The following MMP26 variants were observed in gnomAD, a reference collection of about 807,000 sequenced individuals.
The protein encoded by MMP26 is matrix metallopeptidase 26, also known as matrix metalloproteinase-26.
In MMP26, 33 loss-of-function variants were observed where a neutral mutation model predicts 31.0. The ratio of observed to expected loss-of-function variants is 1.06; its 90% CI spans 0.81 to 1.42. The LOEUF (loss-of-function observed/expected upper bound fraction) is 1.42. Ranked by LOEUF, MMP26 falls within the 40% of genes most tolerant of loss-of-function variation. The pLI is 0.00. For missense variants in MMP26, 347 were observed against 316.1 expected (o/e 1.10, Z -0.74); for synonymous variants, 122 against 114.9 (o/e 1.06, Z -0.40).
intron 1 of MMP26, among the ~76,000 whole-genome samples, chr11:4,732,558 AAAAG>A: frequency 6.6e-6 from 1 of 151,272 alleles, no homozygotes; most frequent in East Asian, 1.9e-4. Flanking sequence ...AAAAAAAAAA[AAAAG>A]AAAATTTTCA....
At chr11:4,769,408 G>C (rs1255912528) in intron 2 of MMP26, 2 of 1,613,822 alleles carry the variant, frequency 1.2e-6, no homozygotes, top group Non-Finnish European at 1.7e-6. Context: ...TCATTCTACA[G>C]AAATAGAGAG....
In MMP26 at chr11:4,991,257, C is replaced by T. The variant is rs1846997521; in HGVS notation, c.470-114C>T. The stretch of plus-strand genomic sequence containing the variant: ...GATAATGCCTTAGCTCTCTCACATC[C>T]CCCAGTGGTAGACTGTTGCACAGTA... On this transcript the variant is annotated intron_variant, in intron 5 of 7. Coordinates refer to ENST00000380390, the MANE Select transcript of MMP26 (RefSeq NM_021801.5). The T allele has an allele frequency of 3.9e-6, 5 of 1,296,496 alleles. No individual in the cohort carries two copies. The Middle Eastern group carries it at 5.8e-4, about 151-fold the overall frequency. The allele number at this position is 1,296,496 out of a possible 1,614,324, so 80.3% of individuals were successfully genotyped here.
intron 2 of MMP26, among the ~76,000 whole-genome samples, chr11:4,935,808 G>A (rs1352199336): frequency 6.6e-6 from 1 of 151,498 alleles, no homozygotes; most frequent in Non-Finnish European, 1.5e-5. Flanking sequence ...TTTTGTCAAA[G>A]GCTTTTTCTG....
intron 2 of MMP26, among the ~76,000 whole-genome samples, chr11:4,870,520 A>G (rs1190228306): frequency 6.6e-6 from 1 of 152,114 alleles, no homozygotes; most frequent in African/African-American, 2.4e-5. Flanking sequence ...TAATTCTTAG[A>G]ATAATTACTA....
intron 2 of MMP26, among the ~76,000 whole-genome samples, chr11:4,783,142 A>G (rs1353755221): frequency 2.0e-5 from 3 of 152,232 alleles, no homozygotes; most frequent in Non-Finnish European, 2.9e-5. Flanking sequence ...TAGATCCACC[A>G]GTAGCTTGCA....
intron 2 of MMP26, chr11:4,908,447 A>G: frequency 1.3e-6 from 1 of 750,140 alleles, no homozygotes; most frequent in South Asian, 1.5e-5. Context: ...TTTATAATAA[A>G]GTTGAGAATA....
chr11:4,755,068 T>C (rs1276656409), intron 1 of MMP26, among the ~76,000 whole-genome samples: 1 of 151,968 alleles, frequency 6.6e-6, no homozygotes, highest in Non-Finnish European at 1.5e-5. Context: ...CTTTCATCGG[T>C]TGATCACTAA....
At chr11:4,991,304 T>G in intron 5 of MMP26, 67 bp from the exon 6 acceptor site, 3 of 1,551,370 alleles carry the variant, frequency 1.9e-6, no homozygotes, top group Non-Finnish European at 2.6e-6. Context: ...TGAGGCTTAC[T>G]TAAGACTATT....
intron 2 of MMP26, chr11:4,908,552 A>G: frequency 3.8e-6 from 2 of 523,024 alleles, no homozygotes; most frequent in South Asian, 4.3e-5. Flanking sequence ...TACTTCTGTG[A>G]TGGAGCAGCT....
At position 4,723,089 on chromosome 11, in the gene MMP26, T is replaced by C. The variant is rs1848038510; in HGVS notation, c.-217+18044T>C. ...GTACCCATGCAGCTGTCACGGCATG[T>C]TCTGCTTGGCCCGCTGCAGGGCGGC... On this transcript the variant is annotated intron_variant, in intron 1 of 7. Transcript: ENST00000380390. 4.2e-6 allele frequency: 6 copies of C among 1,426,128 alleles called. No individual in the cohort carries two copies. In the South Asian group the frequency reaches 5.7e-5, roughly 14 times the overall value. The allele number at this position is 1,426,128 out of a possible 1,614,324, so 88.3% of individuals were successfully genotyped here. A position where few individuals can be genotyped will look rare whatever the true frequency, so the allele number is the denominator to read the frequency against.
At chr11:4,779,539 CA>C (rs147089699) in intron 2 of MMP26, among the ~76,000 whole-genome samples, 13,864 of 151,972 alleles carry the variant, frequency 0.091, 689 homozygotes, top group Middle Eastern at 0.14. Context: ...AGTGTTTGTA[CA>C]ATTAGTATTT....
chr11:4,798,905 C>T (rs1020185402), intron 2 of MMP26, among the ~76,000 whole-genome samples: 2 of 152,172 alleles, frequency 1.3e-5, no homozygotes, highest in African/African-American at 4.8e-5. Context: ...GGAAAGTACT[C>T]TAAAACGGAG....
chr11:4,788,284 A>G (rs1848975866), intron 2 of MMP26, among the ~76,000 whole-genome samples: 2 of 151,950 alleles, frequency 1.3e-5, no homozygotes, highest in African/African-American at 4.8e-5. Context: ...GTTACAAGCC[A>G]TGAGCTCCCT....
At chr11:4,727,061 G>A (rs1448382742) in intron 1 of MMP26, among the ~76,000 whole-genome samples, 1 of 151,976 alleles carries the variant, frequency 6.6e-6, no homozygotes, top group Non-Finnish European at 1.5e-5. Context: ...AAACAAGTAA[G>A]ACTTTCTATT....
At chr11:4,749,522 A>C (rs1848421305) in intron 1 of MMP26, among the ~76,000 whole-genome samples, 1 of 152,160 alleles carries the variant, frequency 6.6e-6, no homozygotes, top group Admixed American at 6.6e-5. Context: ...ACTTGACTTC[A>C]AATTGTACTA....
chr11:4,822,007 A>T lies in MMP26; in HGVS notation c.-145+54666A>T. The T allele has an allele frequency of 6.2e-7, 1 of 1,614,042 alleles. No individual in the cohort carries two copies. The highest frequency in any genetic ancestry group is 1.1e-5 in the South Asian group (1 of 91,078). On this transcript the variant is annotated intron_variant, in intron 2 of 7. Transcript: ENST00000380390. Reference sequence around the variant, plus strand: ...CCAACTCTCCTGCACAGACAATAGGATCAACAGCATCCTTGGTCTGTTTGC... The same window carrying T: ...CCAACTCTCCTGCACAGACAATAGGTTCAACAGCATCCTTGGTCTGTTTGC...
chr11:4,884,376 A>G (rs918060354), intron 2 of MMP26, among the ~76,000 whole-genome samples: 2 of 152,128 alleles, frequency 1.3e-5, no homozygotes, highest in African/African-American at 4.8e-5. Flanking sequence ...ACAGTTCAGT[A>G]TTTTACCTTT....
chr11:4,755,228 A>T (rs1202739776), intron 1 of MMP26, among the ~76,000 whole-genome samples: 1 of 10,254 alleles, frequency 9.8e-5, no homozygotes, highest in East Asian at 2.2e-3. Context: ...TTCATCACAA[A>T]TAAAGAAAAA....
intron 2 of MMP26, among the ~76,000 whole-genome samples, chr11:4,904,421 T>C (rs973537133): frequency 2.0e-5 from 3 of 152,154 alleles, no homozygotes; most frequent in Admixed American, 6.5e-5. Context: ...TTCTCTTCTT[T>C]TGGCATCTAC....
Sources: gnomAD v4.1 joint callset for allele counts (sites outside exome capture counted in the v4.1 genomes callset) on GRCh38, gnomAD v4.1.1 for gene constraint, MANE v1.5 for transcripts, NCBI Gene and HGNC (gene_info 2026-07-23, HGNC 2026-07-21) for gene names.